Variants in ATF1 observed in about 807,000 individuals in gnomAD.
The protein encoded by ATF1 is activating transcription factor 1, also known as cyclic AMP-dependent transcription factor ATF-1.
A neutral mutation model predicts 34.7 loss-of-function variants in ATF1; 16 were observed. That is an observed-to-expected ratio of 0.46 (90% CI 0.31 to 0.70). The LOEUF (loss-of-function observed/expected upper bound fraction) is 0.70, where lower values mean the gene tolerates loss of function less well. Among genes scored for constraint, ATF1 ranks in the 30% least tolerant of loss-of-function variants. ATF1 has a pLI of 0.05. For synonymous variants in ATF1, 105 were observed against 113.1 expected (o/e 0.93, Z 0.46); for missense variants, 255 against 321.6 (o/e 0.79, Z 1.58).
chr12:50,807,087 G>A (rs759403893), intron 3 of ATF1, among the ~76,000 whole-genome samples: 9 of 152,074 alleles, frequency 5.9e-5, no homozygotes, highest in South Asian at 2.1e-4. Flanking sequence ...ATCAAATATC[G>A]CAAAGTAGGG....
At chr12:50,779,265 A>G (rs866729351) in intron 1 of ATF1, among the ~76,000 whole-genome samples, 16 of 152,198 alleles carry the variant, frequency 1.1e-4, no homozygotes, top group African/African-American at 3.4e-4. Flanking sequence ...CGTGCTTTCA[A>G]TTCTTCTGGA....
At chr12:50,801,881 A>G (rs1289514731) in intron 3 of ATF1, among the ~76,000 whole-genome samples, 1 of 151,878 alleles carries the variant, frequency 6.6e-6, no homozygotes, top group Non-Finnish European at 1.5e-5. Flanking sequence ...TAATGTGGAT[A>G]TCCCCTCTCA....
chr12:50,803,510 A>AAAAT (rs1017241652), intron 3 of ATF1, among the ~76,000 whole-genome samples: 2 of 152,170 alleles, frequency 1.3e-5, no homozygotes, highest in Admixed American at 1.3e-4. Context: ...AAAAAAAAAA[A>AAAAT]AAATAGTACA....
intron 2 of ATF1, among the ~76,000 whole-genome samples, chr12:50,785,022 T>G (rs962529728): frequency 2.6e-5 from 4 of 151,484 alleles, no homozygotes; most frequent in Non-Finnish European, 5.9e-5. Flanking sequence ...GCATTAGGTA[T>G]ATCTCCTAAT....
At chr12:50,797,627 C>T (rs1440737471) in intron 3 of ATF1, among the ~76,000 whole-genome samples, 2 of 152,022 alleles carry the variant, frequency 1.3e-5, no homozygotes, top group African/African-American at 4.8e-5. Flanking sequence ...TGCCATGATG[C>T]CCACCTAATT....
chr12:50,802,138 A>T (rs1179746285), intron 3 of ATF1, among the ~76,000 whole-genome samples: 2 of 152,244 alleles, frequency 1.3e-5, no homozygotes, highest in African/African-American at 4.8e-5. Context: ...ACTTAAAAAC[A>T]ATTCTATTTA....
intron 1 of ATF1, among the ~76,000 whole-genome samples, chr12:50,765,682 A>G (rs1313511208): frequency 6.6e-6 from 1 of 152,156 alleles, no homozygotes; most frequent in Admixed American, 6.6e-5. Context: ...GTCAGCACAA[A>G]ATACAGGTCA....
chr12:50,778,104 C>T (rs192228794), intron 1 of ATF1, among the ~76,000 whole-genome samples: 12 of 151,784 alleles, frequency 7.9e-5, no homozygotes, highest in East Asian at 7.8e-4. Context: ...TTTGTAGAGA[C>T]GGGCTCTCAC....
intron 2 of ATF1, among the ~76,000 whole-genome samples, chr12:50,791,925 T>C (rs548197479): frequency 1.8e-4 from 27 of 152,150 alleles, no homozygotes; most frequent in Non-Finnish European, 1.6e-4. Flanking sequence ...TATATATATA[T>C]TTTTTCAAGA....
chr12:50,815,908 A>G (rs1461122496), intron 6 of ATF1, among the ~76,000 whole-genome samples: 2 of 152,224 alleles, frequency 1.3e-5, no homozygotes, highest in Non-Finnish European at 2.9e-5. Flanking sequence ...GAATTAAATC[A>G]TGTCATTTGC....
intron 6 of ATF1, among the ~76,000 whole-genome samples, chr12:50,815,132 A>T (rs563000398): frequency 6.9e-4 from 105 of 152,014 alleles, no homozygotes; most frequent in Middle Eastern, 3.4e-3. Context: ...AAAAAAAAAA[A>T]TTTTTTTAAC....
chr12:50,777,299 A>G (rs1940948639), intron 1 of ATF1, among the ~76,000 whole-genome samples: 1 of 152,218 alleles, frequency 6.6e-6, no homozygotes, highest in Non-Finnish European at 1.5e-5. Flanking sequence ...ACTAAAAGAA[A>G]TTAGACAATA....
intron 1 of ATF1, among the ~76,000 whole-genome samples, chr12:50,778,722 G>A (rs569446068): frequency 6.6e-6 from 1 of 152,154 alleles, no homozygotes; most frequent in Non-Finnish European, 1.5e-5. Flanking sequence ...CAAGTAGCTG[G>A]GATTACAGGT....
At chr12:50,779,896 G>A (rs891715491) in intron 1 of ATF1, among the ~76,000 whole-genome samples, 5 of 152,078 alleles carry the variant, frequency 3.3e-5, no homozygotes, top group African/African-American at 1.2e-4. Context: ...ATGGGATAAC[G>A]TTTGCAAACT....
chr12:50,793,721 G>A (rs138436593), intron 2 of ATF1, among the ~76,000 whole-genome samples: 2 of 150,456 alleles, frequency 1.3e-5, no homozygotes, highest in African/African-American at 4.9e-5. Context: ...AATTATTATT[G>A]GGTTATGACT....
chr12:50,774,231 C>G (rs574552318), intron 1 of ATF1, among the ~76,000 whole-genome samples: 20 of 151,468 alleles, frequency 1.3e-4, no homozygotes, highest in Admixed American at 1.1e-3. Flanking sequence ...GACGGGGTTT[C>G]TCCATGTTGG....
At chr12:50,792,550 G>A (rs1333295413) in intron 2 of ATF1, among the ~76,000 whole-genome samples, 2 of 152,134 alleles carry the variant, frequency 1.3e-5, no homozygotes, top group African/African-American at 4.8e-5. Flanking sequence ...CTTAGTGGTC[G>A]AGAGTTGGAA....
Position 50,819,900 on chromosome 12 carries a change from A to C in ATF1, c.*121A>C. ...TTATTTAGGCTTTTCCAAATCAAGG[A>C]TAAATATCTTACGCACGATATCTAG... On this transcript the variant is annotated 3_prime_UTR_variant, in exon 7 of 7. Coordinates refer to ENST00000262053, the MANE Select transcript of ATF1 (RefSeq NM_005171.5). 1 of 896,826 alleles carries C rather than the reference A, an allele frequency of 1.1e-6. No individual in the cohort carries two copies. Among genetic ancestry groups the C allele is most frequent in the Non-Finnish European group, 1.6e-6 (1 of 607,730 alleles). The allele number at this position is 896,826 out of a possible 1,614,324, so 55.6% of individuals were successfully genotyped here. A position where few individuals can be genotyped will look rare whatever the true frequency, so the allele number is the denominator to read the frequency against.
At chr12:50,795,363 C>G (rs1020088517) in intron 2 of ATF1, among the ~76,000 whole-genome samples, 6 of 152,282 alleles carry the variant, frequency 3.9e-5, no homozygotes, top group African/African-American at 1.4e-4. Context: ...GGTTAGTCCT[C>G]AGTCCTCTTC....
Sources: allele counts gnomAD v4.1 joint callset (sites outside exome capture counted in the v4.1 genomes callset), GRCh38; gene constraint gnomAD v4.1.1; transcripts MANE v1.5; gene names NCBI Gene and HGNC (gene_info 2026-07-23, HGNC 2026-07-21).